CBLN2: variants seen among roughly 807,000 people sequenced by gnomAD.
The protein encoded by CBLN2 is cerebellin-2.
In CBLN2, 7 loss-of-function variants were observed where a neutral mutation model predicts 15.0. The observed-to-expected ratio is 0.47, with a 90% CI of 0.27 to 0.88. The LOEUF (loss-of-function observed/expected upper bound fraction) is 0.88. Ranked by LOEUF, CBLN2 falls within the 40% of genes least tolerant of loss-of-function variation. The pLI, the probability that CBLN2 is intolerant of heterozygous loss-of-function variation, is 0.14. For missense variants in CBLN2, 242 were observed against 304.5 expected, an observed-to-expected ratio of 0.79 and a Z score of 1.53; for synonymous variants, 149 against 135.2, an observed-to-expected ratio of 1.10 and a Z score of -0.71.
intron 1 of CBLN2, chr18:72,618,587 G>T: frequency 2.2e-6 from 2 of 918,656 alleles, no homozygotes; most frequent in South Asian, 1.3e-5. Context: ...AAAAGTATAC[G>T]TGTTGGTGGC....
At chr18:72,568,357 G>C (rs1421774457) in intron 1 of CBLN2, among the ~76,000 whole-genome samples, 2 of 152,154 alleles carry the variant, frequency 1.3e-5, no homozygotes, top group Non-Finnish European at 2.9e-5. Flanking sequence ...GAGCCGAGAA[G>C]CATCATCAGC....
Position 72,541,639 on chromosome 18 carries a change from A to G in CBLN2, c.357+165T>C, listed in dbSNP as rs73966256. On this transcript the variant is annotated intron_variant, in intron 3 of 4. Transcript: ENST00000269503. The stretch of plus-strand genomic sequence containing the variant: ...AAGCCAAAATGTGGAAAAGGGAAAG[A>G]GTAGGAGTGCGTTCTATGAAACGGG... 8.2e-3 allele frequency among the ~76,000 whole-genome samples: 1,243 copies of G among 152,344 alleles called. 21 individuals carry two copies. Among genetic ancestry groups the G allele is most frequent in the African/African-American group, 0.029 (1,197 of 41,576 alleles).
At chr18:72,580,632 CATG>C (rs2069396790) in intron 1 of CBLN2, among the ~76,000 whole-genome samples, 1 of 152,104 alleles carries the variant, frequency 6.6e-6, no homozygotes, top group Admixed American at 6.6e-5. Context: ...TCACATTAAA[CATG>C]ATGCTTTTGA....
chr18:72,553,431 A>G (rs1289511897), intron 1 of CBLN2, among the ~76,000 whole-genome samples: 2 of 151,686 alleles, frequency 1.3e-5, no homozygotes, highest in Non-Finnish European at 2.9e-5. Flanking sequence ...CCAACAGACA[A>G]AGGTTACTAC....
chr18:72,579,334 G>T (rs1473936976), intron 1 of CBLN2, among the ~76,000 whole-genome samples: 2 of 152,076 alleles, frequency 1.3e-5, no homozygotes, highest in Non-Finnish European at 2.9e-5. Flanking sequence ...TGATTTATTT[G>T]CTTGATTTAA....
At chr18:72,584,583 T>C (rs1324195390) in intron 1 of CBLN2, among the ~76,000 whole-genome samples, 1 of 151,984 alleles carries the variant, frequency 6.6e-6, no homozygotes, top group Non-Finnish European at 1.5e-5. Flanking sequence ...ATTACATGCA[T>C]AAGCCACCAT....
At position 72,630,495 on chromosome 18, in the gene CBLN2, AAC is replaced by A. The variant is rs3030024; in HGVS notation, c.15+7828_15+7829del. Among the ~76,000 whole-genome samples the A allele has an allele frequency of 2.6e-3, 361 of 140,364 alleles. 3 individuals carry two copies. Among genetic ancestry groups the A allele is most frequent in the African/African-American group, 5.8e-3 (213 of 37,032 alleles). 92.1% of individuals were successfully genotyped at this position (140,364 alleles called of 152,430 possible). The stretch of plus-strand genomic sequence containing the variant: ...TTACATTGGTGATATCTACTGCTCC[AAC>A]ACACACACACACACACACACACACC... On this transcript the variant is annotated intron_variant, in intron 1 of 2. Coordinates refer to the CBLN2 transcript ENST00000581073.
At chr18:72,589,025 T>C (rs956417097) in intron 1 of CBLN2, among the ~76,000 whole-genome samples, 2 of 152,168 alleles carry the variant, frequency 1.3e-5, no homozygotes, top group African/African-American at 4.8e-5. Context: ...TGAACCATTA[T>C]AGCTGCTCTG....
In CBLN2 at chr18:72,541,868, G is replaced by A. The variant is rs774976654; in HGVS notation, c.293C>T (p.Thr98Met). 9 of 1,604,458 alleles carry A rather than the reference G, an allele frequency of 5.6e-6. No homozygotes were observed. The highest frequency in any genetic ancestry group is 5.1e-6 in the Non-Finnish European group (6 of 1,177,416). ...GGACGGCTCGTGGTTGGTGCTCCGC[G>A]TGGCGGAGAAGGCCACCTTGGCGCT... Reference protein sequence around the residue: ...SGSAKVAFSATRSTNHEPSEM... With the variant: ...SGSAKVAFSAMRSTNHEPSEM... The change falls in exon 3 of 5, where the codon ACG (threonine) becomes ATG (methionine). Residue 98 changes from threonine to methionine, a missense_variant. Thr to Met is a moderately conservative substitution (Grantham distance 81). Around this residue, in one of 4 missense-constraint regions of CBLN2, gnomAD observed 89 missense variants for 114.2 expected, o/e 0.78. Transcript: ENST00000269503.
intron 1 of CBLN2, among the ~76,000 whole-genome samples, chr18:72,614,268 A>G (rs1246759968): frequency 6.6e-6 from 1 of 152,192 alleles, no homozygotes; most frequent in Non-Finnish European, 1.5e-5. Context: ...ACATTGATTT[A>G]AATAAATTAA....
At chr18:72,625,806 C>G (rs1240325775) in intron 1 of CBLN2, among the ~76,000 whole-genome samples, 2 of 59,788 alleles carry the variant, frequency 3.3e-5, no homozygotes, top group African/African-American at 9.5e-5. Flanking sequence ...CTCTCTCTCT[C>G]TCTCTCTCTC....
At chr18:72,597,733 G>T (rs1208227743) in intron 1 of CBLN2, among the ~76,000 whole-genome samples, 1 of 152,172 alleles carries the variant, frequency 6.6e-6, no homozygotes, top group Non-Finnish European at 1.5e-5. Context: ...TTCTACTGAG[G>T]CTGAGCTGGC....
chr18:72,574,497 A>T (rs1568121137), intron 1 of CBLN2, among the ~76,000 whole-genome samples: 1 of 152,178 alleles, frequency 6.6e-6, no homozygotes, highest in Non-Finnish European at 1.5e-5. Flanking sequence ...AAATAATTAT[A>T]TCAAAAGCAG....
chr18:72,555,475 A>C (rs1229840251), intron 1 of CBLN2, among the ~76,000 whole-genome samples: 2 of 152,022 alleles, frequency 1.3e-5, no homozygotes, highest in African/African-American at 4.8e-5. Flanking sequence ...TCAGGGAAGC[A>C]GAAAACGTAT....
intron 1 of CBLN2, among the ~76,000 whole-genome samples, chr18:72,586,679 G>A (rs1210710050): frequency 3.3e-5 from 5 of 152,144 alleles, no homozygotes; most frequent in Non-Finnish European, 7.4e-5. Flanking sequence ...CACACAGTAC[G>A]TTAGTGACTG....
intron 1 of CBLN2, chr18:72,620,551 T>A (rs1324769698): frequency 6.6e-6 from 1 of 152,162 alleles, no homozygotes; most frequent in Admixed American, 6.6e-5. Context: ...TCTGACTGAG[T>A]CTGGGGTCTT....
intron 1 of CBLN2, among the ~76,000 whole-genome samples, chr18:72,574,839 T>C (rs1207401639): frequency 6.6e-6 from 1 of 152,178 alleles, no homozygotes; most frequent in Non-Finnish European, 1.5e-5. Context: ...AACGACACTT[T>C]TGAAGTTCCT....
At chr18:72,575,128 C>A (rs1229127303) in intron 1 of CBLN2, among the ~76,000 whole-genome samples, 2 of 152,088 alleles carry the variant, frequency 1.3e-5, no homozygotes, top group African/African-American at 2.4e-5. Flanking sequence ...ACGGTTGGAA[C>A]AGGGCTGCTA....
intron 1 of CBLN2, among the ~76,000 whole-genome samples, chr18:72,566,134 T>C (rs2069293633): frequency 6.6e-6 from 1 of 152,326 alleles, no homozygotes; most frequent in East Asian, 1.9e-4. Flanking sequence ...TCATGTCTGT[T>C]AGAACAGCTA....
Sources: allele counts gnomAD v4.1 joint callset (sites outside exome capture counted in the v4.1 genomes callset), GRCh38; gene constraint gnomAD v4.1.1; regional missense constraint gnomAD v4.1.1; transcripts MANE v1.5; gene names NCBI Gene and HGNC (gene_info 2026-07-23, HGNC 2026-07-21).